The following ARL14EP variants were observed in gnomAD, a reference collection of about 807,000 sequenced individuals.
ARL14EP encodes the protein ARL14 effector protein.
Under a neutral mutation model 23.1 loss-of-function variants are expected in ARL14EP, and 12 were observed. The observed-to-expected ratio is 0.52, with a 90% CI of 0.33 to 0.84. The LOEUF is 0.84. ARL14EP is among the 40% of genes least tolerant of loss of function. The pLI is 0.02. For synonymous variants in ARL14EP, 97 were observed against 102.0 expected, an observed-to-expected ratio of 0.95 and a Z score of 0.29; for missense variants, 253 against 307.3, an observed-to-expected ratio of 0.82 and a Z score of 1.32.
intron 1 of ARL14EP, among the ~76,000 whole-genome samples, chr11:30,325,602 T>C (rs117167947): frequency 0.012 from 1,826 of 152,342 alleles, 72 homozygotes; most frequent in Admixed American, 0.077. Context: ...TTGCTTGTTA[T>C]CCTATAAGAA....
At chr11:30,334,394 T>G (rs989615186) in intron 3 of ARL14EP, among the ~76,000 whole-genome samples, 6 of 151,948 alleles carry the variant, frequency 3.9e-5, no homozygotes, top group African/African-American at 1.4e-4. Context: ...TTTTTGTATT[T>G]TTAGTAGAGA....
intron 1 of ARL14EP, among the ~76,000 whole-genome samples, chr11:30,323,495 T>G (rs911824308): frequency 3.3e-5 from 5 of 152,238 alleles, no homozygotes; most frequent in South Asian, 2.1e-4. Context: ...GCTACGATTT[T>G]GACGTGAACT....
At chr11:30,324,239 A>G (rs1303678333) in intron 1 of ARL14EP, among the ~76,000 whole-genome samples, 1 of 152,216 alleles carries the variant, frequency 6.6e-6, no homozygotes, top group Non-Finnish European at 1.5e-5. Context: ...CCCTATGCCA[A>G]GAAAAGCCTT....
chr11:30,324,188 A>C (rs540706556), intron 1 of ARL14EP, among the ~76,000 whole-genome samples: 18 of 152,308 alleles, frequency 1.2e-4, no homozygotes, highest in Middle Eastern at 3.4e-3. Flanking sequence ...ATTTTTATTA[A>C]ATAAGAGATA....
At chr11:30,331,800 G>A (rs1947286897) in intron 2 of ARL14EP, 1 of 997,702 alleles carries the variant, frequency 1.0e-6, no homozygotes, top group Non-Finnish European at 1.2e-6. Flanking sequence ...ACATTAGAGA[G>A]GTGACTTACA....
chr11:30,334,879 T>C (rs1210233260), intron 3 of ARL14EP, among the ~76,000 whole-genome samples: 1 of 152,254 alleles, frequency 6.6e-6, no homozygotes, highest in East Asian at 1.9e-4. Context: ...CTGATAGAGA[T>C]GTCCCAGGAG....
rs1410443467 is a variant in ARL14EP at position 30,331,090 on chromosome 11, A to G, written c.142A>G (p.Met48Val). Residue 48 changes from methionine to valine, a missense_variant, in exon 2 of 4, where the codon ATG becomes GTG. Transcript: ENST00000282032. ...DMLLLQLRTG[M>V]TLSGNNTICF... ...GCTTTTACTTCAACTTAGAACTGGAATGACACTTTCTGGGAACAATACAAT... is the reference window on the plus strand; with the variant it reads ...GCTTTTACTTCAACTTAGAACTGGAGTGACACTTTCTGGGAACAATACAAT... 1 of 1,613,964 alleles carries G rather than the reference A, an allele frequency of 6.2e-7. No individual in the cohort carries two copies.
rs2133657356 is a variant in ARL14EP, at chr11:30,337,666, T to C, written c.*871T>C. 6.6e-6 allele frequency: 1 copy of C among 152,236 alleles called. No individual in the cohort carries two copies. Among genetic ancestry groups the C allele is most frequent in the Middle Eastern group, 3.4e-3 (1 of 294 alleles). The allele number at this position is 152,236 out of a possible 1,614,324, so 9.4% of individuals were successfully genotyped here. A position where few individuals can be genotyped will look rare whatever the true frequency, so the allele number is the denominator to read the frequency against. The stretch of plus-strand genomic sequence containing the variant: ...AAAAAACTTTACATTAAAAGATATT[T>C]AATGTGAATATAGAAATATTTCACA... On this transcript the variant is annotated 3_prime_UTR_variant, in exon 4 of 4. Coordinates refer to ENST00000282032, the MANE Select transcript of ARL14EP (RefSeq NM_152316.3).
intron 3 of ARL14EP, among the ~76,000 whole-genome samples, chr11:30,333,753 C>G (rs576142147): frequency 1.6e-4 from 25 of 152,070 alleles, no homozygotes; most frequent in Non-Finnish European, 3.1e-4. Flanking sequence ...ACAAAAAAAG[C>G]TAGAAATGAT....
chr11:30,334,277 G>A (rs1179663930), intron 3 of ARL14EP, among the ~76,000 whole-genome samples: 4 of 139,532 alleles, frequency 2.9e-5, no homozygotes, highest in African/African-American at 5.5e-5. Flanking sequence ...GTGCAGTGGC[G>A]CAAACTCAGC....
intron 1 of ARL14EP, among the ~76,000 whole-genome samples, chr11:30,325,857 T>C (rs1258978516): frequency 6.6e-6 from 1 of 152,200 alleles, no homozygotes; most frequent in African/African-American, 2.4e-5. Flanking sequence ...CTTCAGCAGA[T>C]AGAATTTACA....
rs1947346650 is a variant in ARL14EP at position 30,337,913 on chromosome 11, T to C, written c.*1118T>C. On this transcript the variant is annotated 3_prime_UTR_variant, in exon 4 of 4. Transcript: ENST00000282032. Reference sequence around the variant, plus strand: ...CAGTGTACTAAATATTTTTAAACATTTTTGCATTTTTTTCTACATTTATAA... The same window carrying C: ...CAGTGTACTAAATATTTTTAAACATCTTTGCATTTTTTTCTACATTTATAA... 6.6e-6 allele frequency: 1 copy of C among 152,238 alleles called. No individual in the cohort carries two copies. The highest frequency in any genetic ancestry group is 1.5e-5 in the Non-Finnish European group (1 of 68,038). 9.4% of individuals were successfully genotyped at this position (152,238 alleles called of 1,614,324 possible).
Position 30,331,369 on chromosome 11 carries a change from T to A in ARL14EP, c.421T>A (p.Ser141Thr). 1 of 1,613,816 alleles carries A rather than the reference T, an allele frequency of 6.2e-7. No individual in the cohort carries two copies. The highest frequency in any genetic ancestry group is 8.5e-7 in the Non-Finnish European group (1 of 1,179,830). The change falls in exon 2 of 4, where the codon TCA becomes ACA. Residue 141 changes from serine to threonine, a missense_variant. By Grantham distance (58) the Ser-to-Thr change is moderately conservative. Coordinates refer to ENST00000282032, the MANE Select transcript of ARL14EP (RefSeq NM_152316.3). ...AGACCGCCAGAAAAGGAAACCTGAG[T>A]CAGATGTATGTGTAATAGTCATTTT... is the stretch of plus-strand genomic sequence containing the variant. ...TEDRQKRKPE[S>T]DGRTAKALRS...
chr11:30,329,749 T>A (rs1468349088), intron 1 of ARL14EP: 1 of 152,178 alleles, frequency 6.6e-6, no homozygotes, highest in Non-Finnish European at 1.5e-5. Context: ...TATATTTGTT[T>A]AGTTTTCCAG....
intron 2 of ARL14EP, 199 bp downstream of exon 2, chr11:30,331,573 C>T (rs2133649937): frequency 7.0e-7 from 1 of 1,422,724 alleles, no homozygotes; most frequent in Non-Finnish European, 9.1e-7. Flanking sequence ...GAAAGTAGGC[C>T]TGGGAAAGTA....
Position 30,331,223 on chromosome 11 carries a change from T to G in ARL14EP, c.275T>G (p.Val92Gly). ...AAATTAGCCAAAAAAAATTTGCATG[T>G]AATTGACTTAGATGATGCCACTTTT... ...HKKLAKKNLH[V>G]IDLDDATFLS... The change falls in exon 2 of 4, where the codon GTA (valine) becomes GGA (glycine). Residue 92 changes from valine to glycine, a missense_variant. Val to Gly is a moderately radical substitution (Grantham distance 109, BLOSUM62 -3). Transcript: ENST00000282032. 1 of 1,613,976 alleles carries G rather than the reference T, an allele frequency of 6.2e-7. No individual in the cohort carries two copies. Among genetic ancestry groups the G allele is most frequent in the Non-Finnish European group, 8.5e-7 (1 of 1,179,876 alleles).
intron 1 of ARL14EP, chr11:30,328,592 A>C (rs1231849176): frequency 6.6e-6 from 1 of 152,208 alleles, no homozygotes; most frequent in African/African-American, 2.4e-5. Flanking sequence ...TAAAATGTTC[A>C]GTAACATATT....
At chr11:30,331,774 C>T (rs974359713) in intron 2 of ARL14EP, 8 of 1,015,256 alleles carry the variant, frequency 7.9e-6, no homozygotes, top group Non-Finnish European at 8.2e-6. Flanking sequence ...ACTTGGAAAT[C>T]ACTGCTTTAA....
At chr11:30,325,334 G>A (rs868398643) in intron 1 of ARL14EP, among the ~76,000 whole-genome samples, 1 of 152,124 alleles carries the variant, frequency 6.6e-6, no homozygotes, top group Non-Finnish European at 1.5e-5. Context: ...TAAATTCATA[G>A]TTGAAGCAAA....
Sources: allele counts gnomAD v4.1 joint callset (sites outside exome capture counted in the v4.1 genomes callset), GRCh38; gene constraint gnomAD v4.1.1; transcripts MANE v1.5; gene names NCBI Gene and HGNC (gene_info 2026-07-23, HGNC 2026-07-21).